PPP3CA: variants seen among roughly 807,000 people sequenced by gnomAD.
PPP3CA encodes the protein protein phosphatase 3 catalytic subunit alpha.
In PPP3CA, 14 loss-of-function variants were observed where a neutral mutation model predicts 66.5. The ratio of observed to expected loss-of-function variants is 0.21; its 90% confidence interval spans 0.14 to 0.33. PPP3CA has a LOEUF of 0.33. Ranked by LOEUF, PPP3CA falls within the 10% of genes least tolerant of loss-of-function variation. The pLI, the probability that PPP3CA is intolerant of heterozygous loss-of-function variation, is 1.00. For missense variants in PPP3CA, 317 were observed against 639.5 expected (o/e 0.50, Z 5.44); for synonymous variants, 232 against 226.2 (o/e 1.03, Z -0.23).
chr4:101,195,888 G>A lies in PPP3CA; in HGVS notation c.259+28C>T, dbSNP rs376406504. 25 of 1,601,034 alleles carry A rather than the reference G, an allele frequency of 1.6e-5. No homozygotes were observed. The African/African-American group carries it at 3.1e-4, about 20-fold the overall frequency. On this transcript the variant is annotated intron_variant, in intron 2 of 13. Coordinates refer to ENST00000394854, the MANE Select transcript of PPP3CA (RefSeq NM_000944.5). ...TATAAACAACAAAATGTGTATACAA[G>A]TGGGCAACCTCCCTCCTCAGGACTT...
chr4:101,326,583 C>T (rs905166679), intron 1 of PPP3CA, among the ~76,000 whole-genome samples: 3 of 152,156 alleles, frequency 2.0e-5, no homozygotes, highest in African/African-American at 7.2e-5. Flanking sequence ...TTTTCTACTG[C>T]CTCTTAACAT....
At chr4:101,088,717 G>A (rs935601202) in intron 6 of PPP3CA, among the ~76,000 whole-genome samples, 7 of 151,886 alleles carry the variant, frequency 4.6e-5, no homozygotes, top group African/African-American at 1.7e-4. Flanking sequence ...GAATGGAACA[G>A]TATGCATTGG....
At chr4:101,266,725 T>C (rs1302337228) in intron 1 of PPP3CA, among the ~76,000 whole-genome samples, 1 of 151,884 alleles carries the variant, frequency 6.6e-6, no homozygotes, top group Non-Finnish European at 1.5e-5. Flanking sequence ...TGAACCTGAG[T>C]TCAACTAGTG....
In PPP3CA at chr4:101,255,381, T is replaced by C. The variant is rs1319695361; in HGVS notation, c.59-59265A>G. ...AACAACGTAATGTCTCCATGTTATT[T>C]ACATGCGCTACTTGCAAGTGAAAAT... is the stretch of plus-strand genomic sequence containing the variant. On this transcript the variant is annotated intron_variant, in intron 1 of 13. Coordinates refer to ENST00000394854, the MANE Select transcript of PPP3CA (RefSeq NM_000944.5). Among the ~76,000 whole-genome samples the C allele has an allele frequency of 2.0e-5, 3 of 152,088 alleles. No individual in the cohort carries two copies. The East Asian group carries it at 5.8e-4, about 29-fold the overall frequency.
chr4:101,345,892 C>A (rs1467185784), intron 1 of PPP3CA, among the ~76,000 whole-genome samples: 1 of 152,228 alleles, frequency 6.6e-6, no homozygotes, highest in Admixed American at 6.5e-5. Flanking sequence ...GAGGTTATCA[C>A]TTGGGAGGTG....
intron 1 of PPP3CA, among the ~76,000 whole-genome samples, chr4:101,267,560 G>T (rs1395194758): frequency 6.6e-6 from 1 of 152,082 alleles, no homozygotes; most frequent in Non-Finnish European, 1.5e-5. Context: ...CATGAAGCCC[G>T]TACTATACTG....
At chr4:101,077,036 G>C (rs1729226089) in intron 8 of PPP3CA, among the ~76,000 whole-genome samples, 1 of 152,206 alleles carries the variant, frequency 6.6e-6, no homozygotes, top group African/African-American at 2.4e-5. Flanking sequence ...TGAAGACACA[G>C]AGGCAGGGAG....
At chr4:101,339,897 A>AT (rs1226261678) in intron 1 of PPP3CA, among the ~76,000 whole-genome samples, 1 of 152,224 alleles carries the variant, frequency 6.6e-6, no homozygotes, top group Non-Finnish European at 1.5e-5. Context: ...ACATAGAAAG[A>AT]ACTGGACATT....
chr4:101,124,663 CAGAAAGAAAGAAAGAAAGAAAG>C (rs1452035492), intron 2 of PPP3CA, among the ~76,000 whole-genome samples: 6 of 55,240 alleles, frequency 1.1e-4, no homozygotes, highest in African/African-American at 3.8e-4. Flanking sequence ...GAGAGAGAGA[CAGAAAGAAAGAAAGAAAGAAAG>C]AAAGAAAGAA....
At chr4:101,288,925 G>A (rs779689264) in intron 1 of PPP3CA, among the ~76,000 whole-genome samples, 3 of 151,358 alleles carry the variant, frequency 2.0e-5, no homozygotes, top group Admixed American at 6.6e-5. Flanking sequence ...TTTTTGATTC[G>A]AAACATTTCC....
At chr4:101,187,470 T>C (rs968763743) in intron 2 of PPP3CA, among the ~76,000 whole-genome samples, 11 of 152,160 alleles carry the variant, frequency 7.2e-5, no homozygotes, top group Admixed American at 3.9e-4. Context: ...ATGGATATTT[T>C]ATATCAATAA....
At chr4:101,132,643 T>C (rs1387409610) in intron 2 of PPP3CA, among the ~76,000 whole-genome samples, 1 of 152,096 alleles carries the variant, frequency 6.6e-6, no homozygotes, top group Non-Finnish European at 1.5e-5. Flanking sequence ...GGACCAGATG[T>C]ATTCACAGCC....
At chr4:101,099,221 T>G (rs1431492678) in intron 4 of PPP3CA, among the ~76,000 whole-genome samples, 1 of 152,148 alleles carries the variant, frequency 6.6e-6, no homozygotes, top group Non-Finnish European at 1.5e-5. Flanking sequence ...TTTATAAGAT[T>G]CACTAGAAGC....
At chr4:101,332,761 T>C (rs1326834924) in intron 1 of PPP3CA, among the ~76,000 whole-genome samples, 2 of 152,172 alleles carry the variant, frequency 1.3e-5, no homozygotes, top group Non-Finnish European at 2.9e-5. Flanking sequence ...CAAATTTCTG[T>C]AAGAAAAATG....
chr4:101,133,078 T>C (rs1722502311), intron 2 of PPP3CA, among the ~76,000 whole-genome samples: 1 of 152,094 alleles, frequency 6.6e-6, no homozygotes, highest in African/African-American at 2.4e-5. Context: ...CTCAATAAAC[T>C]AGGTATTGAT....
rs1308744262 is a variant in PPP3CA at position 101,024,342 on chromosome 4, T to C, written c.*1523A>G. The C allele has an allele frequency of 1.3e-5, 2 of 152,690 alleles. No homozygotes were observed. The highest frequency in any genetic ancestry group is 2.9e-5 in the Non-Finnish European group (2 of 68,048). 9.5% of individuals were successfully genotyped at this position (152,690 alleles called of 1,614,324 possible). The stretch of plus-strand genomic sequence containing the variant: ...TGAGAATTCTGTAAGTTCATGCACA[T>C]TTTATTGAGTAGTAATATAAAATGC... On this transcript the variant is annotated 3_prime_UTR_variant, in exon 14 of 14. Transcript: ENST00000394854.
intron 8 of PPP3CA, among the ~76,000 whole-genome samples, chr4:101,072,502 G>C (rs187777642): frequency 1.3e-5 from 2 of 152,214 alleles, no homozygotes; most frequent in African/African-American, 2.4e-5. Context: ...TTGTGCCCTA[G>C]ATTTTCATCA....
intron 10 of PPP3CA, among the ~76,000 whole-genome samples, chr4:101,046,256 G>A (rs979319414): frequency 2.0e-5 from 3 of 150,812 alleles, no homozygotes; most frequent in East Asian, 1.9e-4. Flanking sequence ...AAATAAAAAC[G>A]ACCAGTTTGA....
intron 1 of PPP3CA, among the ~76,000 whole-genome samples, chr4:101,257,589 C>T (rs1726885904): frequency 1.3e-5 from 2 of 151,654 alleles, no homozygotes; most frequent in African/African-American, 4.8e-5. Flanking sequence ...TAGAATAATG[C>T]CTGGCATGTA....
Sources: gnomAD v4.1 joint callset for allele counts (sites outside exome capture counted in the v4.1 genomes callset) on GRCh38, gnomAD v4.1.1 for gene constraint, MANE v1.5 for transcripts, NCBI Gene and HGNC (gene_info 2026-07-23, HGNC 2026-07-21) for gene names.